The following UBE2E2 variants were observed in gnomAD, a reference collection of about 807,000 sequenced individuals.
The protein encoded by UBE2E2 is ubiquitin-conjugating enzyme E2 E2.
UBE2E2 carries 6 observed loss-of-function variants against 24.7 expected under a neutral mutation model. The observed-to-expected ratio is 0.24, with a 90% confidence interval of 0.13 to 0.48. The LOEUF (loss-of-function observed/expected upper bound fraction) is 0.48. Ranked by LOEUF, UBE2E2 falls within the 20% of genes least tolerant of loss-of-function variation. UBE2E2 has a pLI of 0.99. For missense variants in UBE2E2, 169 were observed against 245.0 expected (o/e 0.69, Z 2.07); for synonymous variants, 104 against 83.6 (o/e 1.24, Z -1.33).
chr3:23,267,618 CCAGAGGTACAA>C (rs1559325988), intron 3 of UBE2E2, among the ~76,000 whole-genome samples: 1 of 151,920 alleles, frequency 6.6e-6, no homozygotes, highest in Non-Finnish European at 1.5e-5. Flanking sequence ...CCGAATTCTA[CCAGAGGTACAA>C]GGAGGAACTG....
chr3:23,310,697 A>C (rs1427291848), intron 3 of UBE2E2, among the ~76,000 whole-genome samples: 1 of 152,152 alleles, frequency 6.6e-6, no homozygotes, highest in Non-Finnish European at 1.5e-5. Flanking sequence ...CAGCCTGGTC[A>C]ATATAACAAG....
intron 3 of UBE2E2, among the ~76,000 whole-genome samples, chr3:23,328,750 C>T (rs951057957): frequency 2.0e-5 from 3 of 151,968 alleles, no homozygotes; most frequent in Non-Finnish European, 4.4e-5. Context: ...CAACCTCTGC[C>T]TCCTAGATTC....
chr3:23,349,829 C>T (rs1695681044), intron 3 of UBE2E2, among the ~76,000 whole-genome samples: 1 of 152,242 alleles, frequency 6.6e-6, no homozygotes, highest in Non-Finnish European at 1.5e-5. Context: ...AAAAAGACAG[C>T]AGTAACCTCT....
intron 1 of UBE2E2, among the ~76,000 whole-genome samples, chr3:23,204,249 T>C (rs1168110270): frequency 6.6e-6 from 1 of 151,894 alleles, no homozygotes; most frequent in Non-Finnish European, 1.5e-5. Flanking sequence ...GTGGCTTTTT[T>C]CCCCCACGAC....
intron 5 of UBE2E2, among the ~76,000 whole-genome samples, chr3:23,556,442 A>G (rs146237364): frequency 0.017 from 1,973 of 117,400 alleles, 59 homozygotes; most frequent in African/African-American, 0.057. Flanking sequence ...TGCCCAGCCA[A>G]TAAAATTTAT....
rs191017635 is a variant in UBE2E2, at chr3:23,391,253, G to C, written c.228-108355G>C. Among the ~76,000 whole-genome samples, 624 of 152,296 alleles carry C rather than the reference G, an allele frequency of 4.1e-3. 5 individuals are homozygous for C. Among genetic ancestry groups the C allele is most frequent in the Admixed American group, 0.01 (153 of 15,288 alleles). On this transcript the variant is annotated intron_variant, in intron 3 of 5. Coordinates refer to ENST00000396703, the MANE Select transcript of UBE2E2 (RefSeq NM_152653.4). Reference sequence around the variant, plus strand: ...GTTAATGATTAGGTAATTCCTAGAAGTCAGCCTAAGTTGCCAGTTATATTA... The same window carrying C: ...GTTAATGATTAGGTAATTCCTAGAACTCAGCCTAAGTTGCCAGTTATATTA...
intron 3 of UBE2E2, among the ~76,000 whole-genome samples, chr3:23,354,876 T>C (rs536653227): frequency 2.5e-4 from 38 of 152,200 alleles, no homozygotes; most frequent in Non-Finnish European, 4.9e-4. Flanking sequence ...ATCCCATTAC[T>C]GGGTATATAC....
intron 3 of UBE2E2, among the ~76,000 whole-genome samples, chr3:23,271,603 G>A (rs958872068): frequency 6.6e-6 from 1 of 152,080 alleles, no homozygotes; most frequent in African/African-American, 2.4e-5. Flanking sequence ...ATTTTGACAG[G>A]GTGTTGATTG....
At chr3:23,361,593 T>C (rs1318549454) in intron 3 of UBE2E2, among the ~76,000 whole-genome samples, 1 of 152,158 alleles carries the variant, frequency 6.6e-6, no homozygotes, top group Non-Finnish European at 1.5e-5. Context: ...AACCAAATAT[T>C]CTATGTTCTC....
intron 3 of UBE2E2, among the ~76,000 whole-genome samples, chr3:23,310,716 GTC>G (rs1318816720): frequency 6.6e-6 from 1 of 152,072 alleles, no homozygotes; most frequent in East Asian, 1.9e-4. Flanking sequence ...AGGCACCCCT[GTC>G]TCTATAAAAG....
chr3:23,397,865 A>G (rs537656618), intron 3 of UBE2E2, among the ~76,000 whole-genome samples: 3 of 152,162 alleles, frequency 2.0e-5, no homozygotes, highest in East Asian at 1.9e-4. Context: ...ACTTTCGTTC[A>G]GTTGAAGATG....
intron 3 of UBE2E2, among the ~76,000 whole-genome samples, chr3:23,250,200 C>A (rs1185253535): frequency 6.6e-6 from 1 of 152,162 alleles, no homozygotes; most frequent in Non-Finnish European, 1.5e-5. Context: ...AAGTCACAGC[C>A]ATTAAGTAGA....
chr3:23,507,852 C>T (rs915429516), intron 4 of UBE2E2, among the ~76,000 whole-genome samples: 1 of 152,130 alleles, frequency 6.6e-6, no homozygotes, highest in Non-Finnish European at 1.5e-5. Flanking sequence ...ATTTTGTGTG[C>T]CTTTCTGTTT....
chr3:23,347,318 A>G (rs1575576132), intron 3 of UBE2E2, among the ~76,000 whole-genome samples: 4 of 152,220 alleles, frequency 2.6e-5, no homozygotes, highest in Admixed American at 2.0e-4. Context: ...GTCCATCAAT[A>G]ATAGACTGAA....
intron 3 of UBE2E2, among the ~76,000 whole-genome samples, chr3:23,269,053 C>G (rs1698153508): frequency 6.6e-6 from 1 of 151,814 alleles, no homozygotes; most frequent in South Asian, 2.1e-4. Context: ...AAAATTAATT[C>G]AAGATGGATT....
chr3:23,285,063 A>G (rs972205090), intron 3 of UBE2E2, among the ~76,000 whole-genome samples: 12 of 151,526 alleles, frequency 7.9e-5, no homozygotes, highest in African/African-American at 2.2e-4. Flanking sequence ...CCATCTTTCT[A>G]CGCTCTGCCT....
At chr3:23,382,943 G>A (rs1369281502) in intron 3 of UBE2E2, among the ~76,000 whole-genome samples, 2 of 152,124 alleles carry the variant, frequency 1.3e-5, no homozygotes, top group African/African-American at 4.8e-5. Flanking sequence ...ATAAACAGGT[G>A]TAAACTGTAA....
chr3:23,239,579 T>C (rs900649857), intron 3 of UBE2E2, among the ~76,000 whole-genome samples: 7 of 152,162 alleles, frequency 4.6e-5, no homozygotes, highest in Admixed American at 6.5e-5. Context: ...AATTAAAGCA[T>C]TTAGTTTTAT....
In UBE2E2 at chr3:23,472,845, G is replaced by A. The variant is rs143598449; in HGVS notation, c.228-26763G>A. Among the ~76,000 whole-genome samples, 132 of 151,788 alleles carry A rather than the reference G, an allele frequency of 8.7e-4. 2 individuals are homozygous for A. The East Asian group carries it at 0.025, about 29-fold the overall frequency. On this transcript the variant is annotated intron_variant, in intron 3 of 5. Transcript: ENST00000396703. Reference sequence around the variant, plus strand: ...TATTGTTACTTTTTGTAGAGACAGGGTTTTGCTGTATTGCCTATGCTGGTC... The same window carrying A: ...TATTGTTACTTTTTGTAGAGACAGGATTTTGCTGTATTGCCTATGCTGGTC...
Sources: allele counts gnomAD v4.1 joint callset (sites outside exome capture counted in the v4.1 genomes callset), GRCh38; gene constraint gnomAD v4.1.1; transcripts MANE v1.5; gene names NCBI Gene and HGNC (gene_info 2026-07-23, HGNC 2026-07-21).